The following LINGO2 variants were observed in gnomAD, a reference collection of about 807,000 sequenced individuals.
LINGO2 encodes leucine rich repeat and Ig domain containing 2.
LINGO2 carries 14 observed loss-of-function variants against 30.6 expected under a neutral mutation model. The observed-to-expected ratio is 0.46, with a 90% CI of 0.30 to 0.72. LINGO2 has a LOEUF of 0.72. Ranked by LOEUF, LINGO2 falls within the 30% of genes least tolerant of loss-of-function variation. The pLI, the probability that LINGO2 is intolerant of heterozygous loss-of-function variation, is 0.07. For missense variants in LINGO2, 729 were observed against 751.7 expected (o/e 0.97, Z 0.35); for synonymous variants, 317 against 288.5 (o/e 1.10, Z -1.00).
At chr9:28,697,766 C>T in the LINGO2 span, among the ~76,000 whole-genome samples, 1 of 151,944 alleles carries the variant, frequency 6.6e-6, no homozygotes, top group Non-Finnish European at 1.5e-5. Flanking sequence ...ATCAAGTAAA[C>T]TGTGAAAGCT....
chr9:27,975,972 T>A (rs1820574639), intron 5 of LINGO2, among the ~76,000 whole-genome samples: 1 of 152,050 alleles, frequency 6.6e-6, no homozygotes, highest in Admixed American at 6.6e-5. Context: ...TAGGCCTCAT[T>A]TTGAGGGCAG....
intron 3 of LINGO2, among the ~76,000 whole-genome samples, chr9:28,314,666 T>C (rs1414697243): frequency 6.6e-6 from 1 of 152,138 alleles, no homozygotes; most frequent in Non-Finnish European, 1.5e-5. Context: ...TGAATTTACA[T>C]ACATCAGTGG....
chr9:28,540,258 G>GTC (rs375822027), intron 1 of LINGO2, among the ~76,000 whole-genome samples: 5,403 of 136,966 alleles, frequency 0.039, 229 homozygotes, highest in African/African-American at 0.11. Flanking sequence ...CTCTCTTTCT[G>GTC]TCTCTCTCTC....
chr9:27,968,553 T>A (rs1426867114), intron 5 of LINGO2, among the ~76,000 whole-genome samples: 1 of 152,040 alleles, frequency 6.6e-6, no homozygotes, highest in African/African-American at 2.4e-5. Flanking sequence ...TAGATTGTGC[T>A]ATAGGTATTA....
At chr9:28,411,598 T>C (rs1292548737) in intron 2 of LINGO2, among the ~76,000 whole-genome samples, 3 of 152,154 alleles carry the variant, frequency 2.0e-5, no homozygotes. Flanking sequence ...AAACCATAAT[T>C]ACCTTCCTTT....
chr9:28,710,734 A>C, the LINGO2 span, among the ~76,000 whole-genome samples: 1 of 152,088 alleles, frequency 6.6e-6, no homozygotes, highest in Non-Finnish European at 1.5e-5. Flanking sequence ...TTCAAACTAG[A>C]TCAGTCCTTG....
At chr9:28,290,041 G>A (rs1175691828) in intron 4 of LINGO2, among the ~76,000 whole-genome samples, 1 of 152,140 alleles carries the variant, frequency 6.6e-6, no homozygotes, top group Non-Finnish European at 1.5e-5. Flanking sequence ...CCTTTCTAGT[G>A]TTGCCCTGGT....
chr9:28,693,996 C>T, the LINGO2 span, among the ~76,000 whole-genome samples: 1 of 151,858 alleles, frequency 6.6e-6, no homozygotes, highest in Non-Finnish European at 1.5e-5. Context: ...CATGTCCCTA[C>T]TGATATTTTG....
chr9:28,527,314 C>T (rs534934697), intron 1 of LINGO2, among the ~76,000 whole-genome samples: 10 of 152,294 alleles, frequency 6.6e-5, no homozygotes, highest in African/African-American at 1.9e-4. Flanking sequence ...TAGTCATAAA[C>T]ATCTCATTAG....
chr9:28,801,413 G>A, the LINGO2 span, among the ~76,000 whole-genome samples: 1 of 151,954 alleles, frequency 6.6e-6, no homozygotes. Flanking sequence ...TTTTCAAGAT[G>A]GCTCTAATTT....
At chr9:28,579,866 T>G (rs913910890) in intron 1 of LINGO2, among the ~76,000 whole-genome samples, 1 of 152,112 alleles carries the variant, frequency 6.6e-6, no homozygotes, top group Non-Finnish European at 1.5e-5. Flanking sequence ...CCATTCATAC[T>G]CCTGTCAAGA....
chr9:28,991,961 C>T, the LINGO2 span, among the ~76,000 whole-genome samples: 2 of 152,044 alleles, frequency 1.3e-5, no homozygotes, highest in African/African-American at 4.8e-5. Flanking sequence ...CATCAACTAA[C>T]GAGCAAAATA....
intron 3 of LINGO2, among the ~76,000 whole-genome samples, chr9:28,313,915 C>T (rs1404038729): frequency 6.6e-6 from 1 of 152,058 alleles, no homozygotes; most frequent in Non-Finnish European, 1.5e-5. Flanking sequence ...GAATTTCAAA[C>T]ACTGTGACCA....
chr9:29,203,014 C>T, the LINGO2 span, among the ~76,000 whole-genome samples: 1 of 152,050 alleles, frequency 6.6e-6, no homozygotes, highest in Non-Finnish European at 1.5e-5. Flanking sequence ...AAATAATAGA[C>T]TAAATTTTTA....
At chr9:28,320,710 T>C (rs1011010070) in intron 3 of LINGO2, among the ~76,000 whole-genome samples, 1 of 152,178 alleles carries the variant, frequency 6.6e-6, no homozygotes, top group African/African-American at 2.4e-5. Context: ...GGCAGCTTCA[T>C]TACCTTCAAA....
At chr9:28,988,056 A>AGTTCC in the LINGO2 span, among the ~76,000 whole-genome samples, 1 of 152,148 alleles carries the variant, frequency 6.6e-6, no homozygotes, top group African/African-American at 2.4e-5. Context: ...ATTTGGCCTG[A>AGTTCC]AGTGTTGTTC....
intron 1 of LINGO2, among the ~76,000 whole-genome samples, chr9:28,497,871 C>T (rs1366655508): frequency 6.6e-6 from 1 of 152,206 alleles, no homozygotes; most frequent in Non-Finnish European, 1.5e-5. Context: ...AGTTTTCCTT[C>T]TAACAGTCAG....
the LINGO2 span, among the ~76,000 whole-genome samples, chr9:28,907,573 T>C: frequency 2.5e-3 from 382 of 151,774 alleles, no homozygotes; most frequent in Admixed American, 5.8e-3. Flanking sequence ...ATGATGAAAA[T>C]CGTACTTAAT....
chr9:28,176,491 C>G (rs1564019986), intron 4 of LINGO2, among the ~76,000 whole-genome samples: 1 of 151,994 alleles, frequency 6.6e-6, no homozygotes, highest in South Asian at 2.1e-4. Context: ...GTAAAATAAC[C>G]TGTATTTCAG....
Sources: allele counts gnomAD v4.1 joint callset (sites outside exome capture counted in the v4.1 genomes callset), GRCh38; gene constraint gnomAD v4.1.1; transcripts MANE v1.5; gene names NCBI Gene and HGNC (gene_info 2026-07-23, HGNC 2026-07-21).